The following VPS37C variants were observed in gnomAD, a reference collection of about 807,000 sequenced individuals.
The protein encoded by VPS37C is VPS37C subunit of ESCRT-I.
VPS37C carries 9 observed loss-of-function variants against 16.1 expected under a neutral mutation model. That is an observed-to-expected ratio of 0.56 (90% CI 0.34 to 0.97). The LOEUF is 0.97. VPS37C is among the 50% of genes least tolerant of loss of function. The pLI, the probability that VPS37C is intolerant of heterozygous loss-of-function variation, is 0.02. For synonymous variants in VPS37C, 207 were observed against 206.4 expected, an observed-to-expected ratio of 1.00 and a Z score of -0.02; for missense variants, 479 against 472.7, an observed-to-expected ratio of 1.01 and a Z score of -0.12.
At chr11:61,132,968 G>A in intron 4 of VPS37C, 1 of 553,780 alleles carries the variant, frequency 1.8e-6, no homozygotes, top group South Asian at 2.0e-5. Context: ...GAGTGGAGTA[G>A]GGAGCTGGCC....
At chr11:61,147,532 G>T (rs373686875) in intron 1 of VPS37C, among the ~76,000 whole-genome samples, 2 of 152,098 alleles carry the variant, frequency 1.3e-5, no homozygotes, top group Admixed American at 1.3e-4. Context: ...GCAGACCGGG[G>T]TGGAAGGGGA....
intron 1 of VPS37C, among the ~76,000 whole-genome samples, chr11:61,153,096 T>C (rs1247939240): frequency 6.6e-6 from 1 of 152,224 alleles, no homozygotes; most frequent in Non-Finnish European, 1.5e-5. Flanking sequence ...TGGGCACATA[T>C]AAGGTGATAT....
rs899459015 is a variant in VPS37C, at chr11:61,156,221, A to G, written c.-7+5170T>C. ...CAAGAAGGTAGATTTAAACTCAACC[A>G]TATCAATAACCACATTAAATCTAAA... On this transcript the variant is annotated intron_variant, in intron 1 of 4. Coordinates refer to ENST00000301765, the MANE Select transcript of VPS37C (RefSeq NM_017966.5). 5.9e-5 allele frequency among the ~76,000 whole-genome samples: 9 copies of G among 152,362 alleles called. No individual in the cohort carries two copies. In the South Asian group the frequency reaches 6.2e-4, roughly 11 times the overall value.
Position 61,134,134 on chromosome 11 carries a change from A to G in VPS37C, c.167T>C (p.Phe56Ser), listed in dbSNP as rs767593613. ...NRSLAERNLE[F>S]QGPLEISRSN... The stretch of plus-strand genomic sequence containing the variant: ...GCGGCTGATCTCCAGGGGACCCTGG[A>G]ACTCCAAGTTCCGCTCTGCCAGGCT... Residue 56 changes from phenylalanine (F) to serine (S), a missense_variant, in exon 3 of 5, where the codon TTC (phenylalanine) becomes TCC (serine). Physicochemically the swap from Phe to Ser is radical, Grantham distance 155. Transcript: ENST00000301765. The G allele has an allele frequency of 1.6e-5, 26 of 1,613,886 alleles. No homozygotes were observed. Among genetic ancestry groups the G allele is most frequent in the Non-Finnish European group, 2.2e-5 (26 of 1,179,970 alleles).
chr11:61,137,610 C>T (rs948628287), intron 2 of VPS37C, among the ~76,000 whole-genome samples: 2 of 152,200 alleles, frequency 1.3e-5, no homozygotes, highest in Non-Finnish European at 2.9e-5. Context: ...TGGGCAGGAG[C>T]AACGCCCTGG....
chr11:61,141,543 A>G (rs1299867016), intron 1 of VPS37C, among the ~76,000 whole-genome samples: 2 of 152,094 alleles, frequency 1.3e-5, no homozygotes, highest in Non-Finnish European at 2.9e-5. Context: ...ATACCGAAAC[A>G]CATCAGGGGC....
chr11:61,142,948 G>A (rs1376239497), intron 1 of VPS37C, among the ~76,000 whole-genome samples: 1 of 8,140 alleles, frequency 1.2e-4, no homozygotes, highest in Non-Finnish European at 2.0e-4. Context: ...AAAACTTAAA[G>A]TATAATAAAA....
intron 1 of VPS37C, among the ~76,000 whole-genome samples, chr11:61,145,664 C>G (rs1477942065): frequency 6.6e-6 from 1 of 152,252 alleles, no homozygotes; most frequent in Non-Finnish European, 1.5e-5. Context: ...AGAAGGTGCC[C>G]TTGAAGCTTG....
intron 4 of VPS37C, 133 bp from the exon 5 acceptor site, chr11:61,132,672 T>C (rs1379728749): frequency 4.2e-6 from 5 of 1,202,520 alleles, no homozygotes; most frequent in South Asian, 1.6e-5. Flanking sequence ...TCCCTGCCCA[T>C]ACGCCCCTTC....
At chr11:61,149,009 C>T (rs1487679009) in intron 1 of VPS37C, among the ~76,000 whole-genome samples, 3 of 152,232 alleles carry the variant, frequency 2.0e-5, no homozygotes, top group Admixed American at 1.3e-4. Context: ...GGGCCAGGCG[C>T]GGTGGCTCAC....
intron 1 of VPS37C, among the ~76,000 whole-genome samples, chr11:61,139,788 G>A (rs1202653653): frequency 1.4e-5 from 2 of 144,606 alleles, no homozygotes; most frequent in Non-Finnish European, 3.0e-5. Context: ...CTGTTGCCCA[G>A]GCTGGAAAGC....
chr11:61,140,907 T>A (rs1438231418), intron 1 of VPS37C, among the ~76,000 whole-genome samples: 1 of 152,140 alleles, frequency 6.6e-6, no homozygotes. Context: ...CCAAAACCCT[T>A]GGTCTAAAAG....
intron 1 of VPS37C, among the ~76,000 whole-genome samples, chr11:61,147,122 C>T (rs1367366007): frequency 6.6e-6 from 1 of 152,098 alleles, no homozygotes; most frequent in Non-Finnish European, 1.5e-5. Context: ...TGAATTGATG[C>T]CATATCCTCT....
chr11:61,132,329 G>T lies in VPS37C; in HGVS notation c.559C>A (p.Pro187Thr), dbSNP rs1208624822. 2 of 1,598,850 alleles carry T rather than the reference G, an allele frequency of 1.3e-6. No homozygotes were observed. The highest frequency in any genetic ancestry group is 1.7e-6 in the Non-Finnish European group (2 of 1,171,408). The part of the protein sequence containing the change: ...PPVRPVPQGT[P>T]PVVEEQPQPP... The stretch of plus-strand genomic sequence containing the variant: ...TGCGGCTGCTCTTCAACCACAGGGG[G>T]TGTTCCCTGGGGGACTGGGCGCACC... The change falls in exon 5 of 5, where the codon CCC becomes ACC. Residue 187 changes from proline (P) to threonine (T), a missense_variant. Coordinates refer to ENST00000301765, the MANE Select transcript of VPS37C (RefSeq NM_017966.5).
In VPS37C at chr11:61,142,658, G is replaced by A. The variant is rs182686855; in HGVS notation, c.-6-3823C>T. ...GTACACTCATGCAAGAAAAGAGAGT[G>A]AAGAAAGAAAATAATGTCTCAGAAT... is the stretch of plus-strand genomic sequence containing the variant. On this transcript the variant is annotated intron_variant, in intron 1 of 4. Coordinates refer to ENST00000301765, the MANE Select transcript of VPS37C (RefSeq NM_017966.5). Among the ~76,000 whole-genome samples, 21 of 152,120 alleles carry A rather than the reference G, an allele frequency of 1.4e-4. No individual in the cohort carries two copies. The East Asian group carries it at 3.7e-3, about 27-fold the overall frequency.
chr11:61,146,925 G>A lies in VPS37C; in HGVS notation c.-6-8090C>T, dbSNP rs371805693. Reference sequence around the variant, plus strand: ...GGAGGCCAAGCGACAGGCAGAGTGTGTATGGCTGGAAAGCGGCCCTGGTGA... The same window carrying A: ...GGAGGCCAAGCGACAGGCAGAGTGTATATGGCTGGAAAGCGGCCCTGGTGA... On this transcript the variant is annotated intron_variant, in intron 1 of 4. Coordinates refer to ENST00000301765, the MANE Select transcript of VPS37C (RefSeq NM_017966.5). Among the ~76,000 whole-genome samples, 214 of 152,352 alleles carry A rather than the reference G, an allele frequency of 1.4e-3. 1 individual carries two copies. The highest frequency in any genetic ancestry group is 0.01 in the Middle Eastern group (3 of 294).
At chr11:61,153,448 T>C (rs564542413) in intron 1 of VPS37C, among the ~76,000 whole-genome samples, 152 of 152,294 alleles carry the variant, frequency 1.0e-3, no homozygotes, top group African/African-American at 3.2e-3. Context: ...CTTTTTATTA[T>C]AGCAGTGTGA....
chr11:61,148,471 G>A (rs1287430655), intron 1 of VPS37C, among the ~76,000 whole-genome samples: 1 of 151,914 alleles, frequency 6.6e-6, no homozygotes, highest in Admixed American at 6.6e-5. Context: ...TCATGCTGCT[G>A]AATGAGGAAA....
chr11:61,134,241 C>T lies in VPS37C; in HGVS notation c.94-34G>A, dbSNP rs776613346. The T allele has an allele frequency of 5.7e-6, 9 of 1,591,592 alleles. No individual in the cohort carries two copies. The East Asian group carries it at 1.1e-4, about 20-fold the overall frequency. ...GCAGGACAACAGAACCTAAGGAAAA[C>T]GTCCATCACCCTTAACCTCCTGGCA... On this transcript the variant is annotated intron_variant, in intron 2 of 4. Coordinates refer to ENST00000301765, the MANE Select transcript of VPS37C (RefSeq NM_017966.5).
Sources: gnomAD v4.1 joint callset for allele counts (sites outside exome capture counted in the v4.1 genomes callset) on GRCh38, gnomAD v4.1.1 for gene constraint, MANE v1.5 for transcripts, NCBI Gene and HGNC (gene_info 2026-07-23, HGNC 2026-07-21) for gene names.